The following RYR2 variants were observed in gnomAD, a reference collection of about 807,000 sequenced individuals.
The protein encoded by RYR2 is cardiac muscle ryanodine receptor-calcium release channel.
Under a neutral mutation model 601.1 loss-of-function variants are expected in RYR2, and 227 were observed. That is an observed-to-expected ratio of 0.38 (90% CI 0.34 to 0.42). RYR2 has a LOEUF of 0.42. Among genes scored for constraint, RYR2 ranks in the 10% least tolerant of loss-of-function variants. The pLI, the probability that RYR2 is intolerant of heterozygous loss-of-function variation, is 1.00. For missense variants in RYR2, 4,646 were observed against 6,156.5 expected (o/e 0.75, Z 8.21); for synonymous variants, 2,223 against 2,175.1 (o/e 1.02, Z -0.61).
At chr1:237,690,456 A>G (rs189321378) in intron 63 of RYR2, among the ~76,000 whole-genome samples, 33 of 152,368 alleles carry the variant, frequency 2.2e-4, no homozygotes, top group African/African-American at 7.9e-4. Flanking sequence ...GTTTTCACAT[A>G]TAAGATGTTT....
At chr1:237,315,485 C>T (rs950789532) in intron 2 of RYR2, among the ~76,000 whole-genome samples, 6 of 151,968 alleles carry the variant, frequency 3.9e-5, no homozygotes, top group Non-Finnish European at 7.4e-5. Flanking sequence ...GGCTTATTTA[C>T]AAATATTTTT....
intron 101 of RYR2, among the ~76,000 whole-genome samples, chr1:237,827,188 G>A (rs1256030613): frequency 1.3e-5 from 2 of 152,148 alleles, no homozygotes; most frequent in Non-Finnish European, 2.9e-5. Flanking sequence ...TAAAAATAAC[G>A]TGTTTTCTAA....
chr1:237,448,155 G>A (rs1347715408), intron 14 of RYR2, among the ~76,000 whole-genome samples: 1 of 152,056 alleles, frequency 6.6e-6, no homozygotes, highest in Non-Finnish European at 1.5e-5. Context: ...TCGAACACCT[G>A]ATCTCAAGTG....
At chr1:237,337,639 A>T (rs1697373752) in intron 3 of RYR2, among the ~76,000 whole-genome samples, 1 of 152,086 alleles carries the variant, frequency 6.6e-6, no homozygotes, top group South Asian at 2.1e-4. Flanking sequence ...TGTGTAGAAC[A>T]ATCGTGGCAT....
At chr1:237,414,233 TCTTA>T (rs921656040) in intron 10 of RYR2, among the ~76,000 whole-genome samples, 11 of 151,216 alleles carry the variant, frequency 7.3e-5, no homozygotes, top group African/African-American at 2.0e-4. Context: ...TGTCATTCAG[TCTTA>T]CTTAATCAGT....
chr1:237,060,611 T>G (rs1662718935), intron 1 of RYR2, among the ~76,000 whole-genome samples: 1 of 152,204 alleles, frequency 6.6e-6, no homozygotes, highest in Admixed American at 6.5e-5. Context: ...TATGGACTTC[T>G]AGAAAAATAA....
At position 237,270,488 on chromosome 1, in the gene RYR2, C is replaced by G. The variant is rs1057522958; in HGVS notation, c.49-9C>G. On this transcript the variant is annotated splice_polypyrimidine_tract_variant and intron_variant, in intron 1 of 104. Coordinates refer to ENST00000366574, the MANE Select transcript of RYR2 (RefSeq NM_001035.3). ...ACTTATTTTTCCCTCTCTTTCTCCC[C>G]CTTTGCAGGATGATGAAGTGGTTCT... 5.1e-6 allele frequency: 8 copies of G among 1,569,086 alleles called. No homozygotes were observed. The highest frequency in any genetic ancestry group is 6.1e-6 in the Non-Finnish European group (7 of 1,156,108).
At chr1:237,538,116 G>A (rs1042068531) in intron 25 of RYR2, among the ~76,000 whole-genome samples, 2 of 152,062 alleles carry the variant, frequency 1.3e-5, no homozygotes, top group Non-Finnish European at 2.9e-5. Flanking sequence ...CAGGCCAGGA[G>A]CAGTGGCTTA....
At chr1:237,331,512 C>CTTTTTTTTTTTTTTTTTTTT in intron 3 of RYR2, among the ~76,000 whole-genome samples, 27 of 150,752 alleles carry the variant, frequency 1.8e-4, no homozygotes, top group Middle Eastern at 3.4e-3. Flanking sequence ...TTTTTCTTTT[C>CTTTTTTTTTTTTTTTTTTTT]TTTTTTTTGA....
chr1:237,684,976 G>A (rs1387117611), intron 62 of RYR2, among the ~76,000 whole-genome samples: 1 of 151,668 alleles, frequency 6.6e-6, no homozygotes, highest in Non-Finnish European at 1.5e-5. Context: ...GAAGGTAAGA[G>A]TTTCACGATT....
At chr1:237,672,756 C>T (rs950894258) in intron 58 of RYR2, among the ~76,000 whole-genome samples, 1 of 151,918 alleles carries the variant, frequency 6.6e-6, no homozygotes, top group Non-Finnish European at 1.5e-5. Flanking sequence ...TATTCTATAC[C>T]CTCTGCTGTT....
At chr1:237,781,784 T>TATTC (rs1330369265) in intron 89 of RYR2, 138 bp downstream of exon 89, 1 of 471,224 alleles carries the variant, frequency 2.1e-6, no homozygotes, top group African/African-American at 2.0e-5. Context: ...GCTGGCTTAT[T>TATTC]ATTCTTTTTC....
chr1:237,513,176 C>T (rs567977042), intron 24 of RYR2, among the ~76,000 whole-genome samples: 83 of 152,110 alleles, frequency 5.5e-4, no homozygotes, highest in Non-Finnish European at 9.0e-4. Flanking sequence ...CCTTTGCAGA[C>T]GGAATAATGG....
chr1:237,227,394 C>CT (rs1459758371), intron 1 of RYR2, among the ~76,000 whole-genome samples: 1 of 152,136 alleles, frequency 6.6e-6, no homozygotes, highest in Non-Finnish European at 1.5e-5. Context: ...GTAGTCTATG[C>CT]TACAGGGATG....
At chr1:237,523,736 CA>C (rs71180032) in intron 24 of RYR2, among the ~76,000 whole-genome samples, 68,710 of 138,684 alleles carry the variant, frequency 0.5, 16,032 homozygotes, top group East Asian at 0.59. Context: ...GATTCTGTCT[CA>C]AAAAAAAAAA....
chr1:237,318,699 T>G (rs929078953), intron 2 of RYR2, among the ~76,000 whole-genome samples: 1 of 152,188 alleles, frequency 6.6e-6, no homozygotes, highest in African/African-American at 2.4e-5. Context: ...TGATGGGATG[T>G]GTATTATTTT....
At chr1:237,090,144 C>T (rs1191599330) in intron 1 of RYR2, among the ~76,000 whole-genome samples, 1 of 152,100 alleles carries the variant, frequency 6.6e-6, no homozygotes, top group Non-Finnish European at 1.5e-5. Flanking sequence ...AAACCGCCCC[C>T]ATGATTCAAT....
rs1678662376 is a variant in RYR2 at position 237,180,840 on chromosome 1, T to G, written c.49-89657T>G. ...TCAATCATGTAAATATATATCAATATTAATAAAGTATATATTTATACTAAT... is the reference window on the plus strand; with the variant it reads ...TCAATCATGTAAATATATATCAATAGTAATAAAGTATATATTTATACTAAT... On this transcript the variant is annotated intron_variant, in intron 1 of 104. Transcript: ENST00000366574. The surrounding 1 kb of genome is among the most constrained non-coding windows in gnomAD (Gnocchi z 5.3). Among the ~76,000 whole-genome samples the G allele has an allele frequency of 6.8e-6, 1 of 148,004 alleles. No homozygotes were observed.
In RYR2 at chr1:237,617,411, C is replaced by G. The variant is rs1487785475; in HGVS notation, c.5841C>G (p.Val1947=). Residue 1947 remains valine, a synonymous_variant, in exon 38 of 105, where the codon GTC becomes GTG. Transcript: ENST00000366574. ...ATCAACGTTTCCGATACAACGAAGT[C>G]ATGCAAGCCTTAAACATGTCAGCTG... The part of the protein sequence containing the change: ...QDNQRFRYNE[V]MQALNMSAAL... 2 of 1,613,986 alleles carry G rather than the reference C, an allele frequency of 1.2e-6. No individual in the cohort carries two copies. The highest frequency in any genetic ancestry group is 2.2e-5 in the East Asian group (1 of 44,880).
Sources: gnomAD v4.1 joint callset for allele counts (sites outside exome capture counted in the v4.1 genomes callset) on GRCh38, gnomAD v4.1.1 for gene constraint, Gnocchi (gnomAD v3.1) non-coding constraint, MANE v1.5 for transcripts, NCBI Gene and HGNC (gene_info 2026-07-23, HGNC 2026-07-21) for gene names.